Variants in MSH3 observed in about 807,000 individuals in gnomAD.
The protein encoded by MSH3 is DNA mismatch repair protein Msh3.
Under a neutral mutation model 123.3 loss-of-function variants are expected in MSH3, and 106 were observed. The observed-to-expected ratio is 0.86, with a 90% CI of 0.73 to 1.01. MSH3 has a LOEUF of 1.01. MSH3 is among the 50% of genes least tolerant of loss of function. The pLI is 0.00. For missense variants in MSH3, 1,459 were observed against 1,347.6 expected (o/e 1.08, Z -1.29); for synonymous variants, 515 against 481.4 (o/e 1.07, Z -0.91).
chr5:80,683,726 C>T (rs1390374492), intron 8 of MSH3, among the ~76,000 whole-genome samples: 3 of 152,014 alleles, frequency 2.0e-5, no homozygotes, highest in Non-Finnish European at 4.4e-5. Context: ...ATTTGTCCAT[C>T]TTTGCTTTGG....
chr5:80,810,231 A>G (rs1733042906), intron 19 of MSH3, among the ~76,000 whole-genome samples: 1 of 144,398 alleles, frequency 6.9e-6, no homozygotes, highest in Admixed American at 7.0e-5. Context: ...GTGTATTTTA[A>G]AAAAGGTACA....
At chr5:80,768,441 C>T (rs1401660281) in intron 14 of MSH3, among the ~76,000 whole-genome samples, 2 of 152,076 alleles carry the variant, frequency 1.3e-5, no homozygotes, top group Non-Finnish European at 2.9e-5. Context: ...GTACTCATTT[C>T]CTATATTTCC....
intron 19 of MSH3, among the ~76,000 whole-genome samples, chr5:80,801,844 G>A (rs970534983): frequency 4.6e-5 from 7 of 152,202 alleles, no homozygotes; most frequent in Non-Finnish European, 1.0e-4. Context: ...CTAGAGAGGT[G>A]TATTGGCTTG....
chr5:80,820,413 G>A (rs1580070293), intron 20 of MSH3, among the ~76,000 whole-genome samples: 1 of 152,218 alleles, frequency 6.6e-6, no homozygotes, highest in East Asian at 1.9e-4. Context: ...GGTCCCATTG[G>A]TTACAGTTTA....
At chr5:80,763,699 A>G (rs1244267976) in intron 13 of MSH3, among the ~76,000 whole-genome samples, 2 of 152,232 alleles carry the variant, frequency 1.3e-5, no homozygotes, top group Non-Finnish European at 2.9e-5. Flanking sequence ...CAAAGTGTCC[A>G]TGGCATCAAG....
intron 17 of MSH3, among the ~76,000 whole-genome samples, chr5:80,780,724 G>T (rs1471082186): frequency 2.0e-5 from 3 of 152,198 alleles, no homozygotes; most frequent in Admixed American, 1.3e-4. Context: ...AAAATTAGCC[G>T]GGTGTGGTGG....
intron 12 of MSH3, among the ~76,000 whole-genome samples, chr5:80,757,564 T>A (rs1304985143): frequency 1.3e-5 from 2 of 152,152 alleles, no homozygotes; most frequent in African/African-American, 4.8e-5. Context: ...TGAATCTTTG[T>A]CATCCCCAGG....
intron 12 of MSH3, among the ~76,000 whole-genome samples, chr5:80,752,227 T>C (rs1326540152): frequency 6.6e-6 from 1 of 151,276 alleles, no homozygotes; most frequent in African/African-American, 2.4e-5. Flanking sequence ...GTAGCCAAGG[T>C]GGAATGGGAG....
rs769363780 is a variant in MSH3 at position 80,656,485 on chromosome 5, C to A, written c.312C>A (p.Val104=). ...CTGTTAAAAAGAAAGTAAAGAAAGTCCAACAAAAGGAAGGAGGAAGTGATC... is the reference window on the plus strand; with the variant it reads ...CTGTTAAAAAGAAAGTAAAGAAAGTACAACAAAAGGAAGGAGGAAGTGATC... ...DGPVKKKVKK[V]QQKEGGSDLG... The change falls in exon 2 of 24, where the codon GTC becomes GTA. Residue 104 remains valine, a synonymous_variant. Transcript: ENST00000265081. 3 of 1,614,110 alleles carry A rather than the reference C, an allele frequency of 1.9e-6. No homozygotes were observed. The South Asian group carries it at 3.3e-5, about 18-fold the overall frequency.
Position 80,760,907 on chromosome 5 carries a change from A to G in MSH3, c.1764-639A>G, listed in dbSNP as rs527534321. Among the ~76,000 whole-genome samples, 42 of 152,302 alleles carry G rather than the reference A, an allele frequency of 2.8e-4. No homozygotes were observed. In the East Asian group the frequency reaches 6.6e-3, roughly 24 times the overall value. ...TGCTTCAGAACTGAGGTACATGGCCATACCTAACTACAGGGGAGACTGGGA... is the reference window on the plus strand; with the variant it reads ...TGCTTCAGAACTGAGGTACATGGCCGTACCTAACTACAGGGGAGACTGGGA... On this transcript the variant is annotated intron_variant, in intron 12 of 23. Transcript: ENST00000265081.
intron 10 of MSH3, among the ~76,000 whole-genome samples, chr5:80,736,553 G>C (rs913582042): frequency 1.3e-5 from 2 of 152,204 alleles, no homozygotes; most frequent in Non-Finnish European, 2.9e-5. Context: ...CTTGACTGGA[G>C]TCTGGGACCT....
intron 7 of MSH3, among the ~76,000 whole-genome samples, chr5:80,677,558 G>A (rs756796201): frequency 1.3e-5 from 2 of 152,088 alleles, no homozygotes; most frequent in Non-Finnish European, 2.9e-5. Context: ...AAGCCTCTGG[G>A]CTAGAATTAA....
rs547251599 is a variant in MSH3, at chr5:80,767,798, A to T, written c.1897-135A>T. On this transcript the variant is annotated intron_variant, in intron 13 of 23. Coordinates refer to ENST00000265081, the MANE Select transcript of MSH3 (RefSeq NM_002439.5). ...TAACCTCATTTAGAAAATATCAGTG[A>T]TATTTTATTTCAACTAACTAGTTAA... 22 of 662,016 alleles carry T rather than the reference A, an allele frequency of 3.3e-5. No homozygotes were observed. The South Asian group carries it at 4.1e-4, about 12-fold the overall frequency. 41.0% of individuals were successfully genotyped at this position (662,016 alleles called of 1,614,324 possible). A position where few individuals can be genotyped will look rare whatever the true frequency, so the allele number is the denominator to read the frequency against.
chr5:80,681,132 A>G (rs1398206455), intron 8 of MSH3, among the ~76,000 whole-genome samples: 1 of 152,184 alleles, frequency 6.6e-6, no homozygotes, highest in African/African-American at 2.4e-5. Flanking sequence ...GATCATTTAA[A>G]TAATCTTTGC....
intron 10 of MSH3, among the ~76,000 whole-genome samples, chr5:80,738,211 GAAGGCTGTAAGCCTT>G (rs1239383067): frequency 4.5e-4 from 68 of 152,190 alleles, no homozygotes; most frequent in African/African-American, 1.5e-3. Flanking sequence ...ATATGTAGAT[GAAGGCTGTAAGCCTT>G]CTACCCCACC....
At chr5:80,870,563 G>A (rs572665780) in intron 22 of MSH3, among the ~76,000 whole-genome samples, 53 of 152,240 alleles carry the variant, frequency 3.5e-4, no homozygotes, top group African/African-American at 1.2e-3. Context: ...TTCCGCACCT[G>A]TGTTTCTCAA....
At chr5:80,758,577 T>G (rs561264810) in intron 12 of MSH3, among the ~76,000 whole-genome samples, 1 of 152,210 alleles carries the variant, frequency 6.6e-6, no homozygotes, top group Non-Finnish European at 1.5e-5. Context: ...TAAAGAAGGT[T>G]GGGTTAAAAC....
At chr5:80,803,589 C>T (rs1201300136) in intron 19 of MSH3, among the ~76,000 whole-genome samples, 1 of 122,812 alleles carries the variant, frequency 8.1e-6, no homozygotes, top group Admixed American at 8.2e-5. Context: ...GATGTGATCC[C>T]ATTTGTCCAT....
At chr5:80,789,287 A>G (rs1216003252) in intron 18 of MSH3, among the ~76,000 whole-genome samples, 1 of 152,166 alleles carries the variant, frequency 6.6e-6, no homozygotes, top group African/African-American at 2.4e-5. Flanking sequence ...TAAAATCCAA[A>G]AACTATCCTT....
Sources: gnomAD v4.1 joint callset for allele counts (sites outside exome capture counted in the v4.1 genomes callset) on GRCh38, gnomAD v4.1.1 for gene constraint, MANE v1.5 for transcripts, NCBI Gene and HGNC (gene_info 2026-07-23, HGNC 2026-07-21) for gene names.